The following ELAVL2 variants were observed in gnomAD, a reference collection of about 807,000 sequenced individuals.
The protein encoded by ELAVL2 is ELAV like RNA binding protein 2, also known as ELAV-like protein 2.
ELAVL2 carries 4 observed loss-of-function variants against 34.6 expected under a neutral mutation model. The observed-to-expected ratio is 0.12, with a 90% CI of 0.06 to 0.26. ELAVL2 has a LOEUF of 0.26. Ranked by LOEUF, ELAVL2 falls within the 10% of genes least tolerant of loss-of-function variation. The pLI, the probability that ELAVL2 is intolerant of heterozygous loss-of-function variation, is 1.00. For missense variants in ELAVL2, 432 were observed against 442.8 expected (o/e 0.98, Z 0.22); for synonymous variants, 193 against 154.8 (o/e 1.25, Z -1.83).
chr9:23,826,552 G>A (rs1293166557), upstream of ELAVL2, among the ~76,000 whole-genome samples: 1 of 152,220 alleles, frequency 6.6e-6, no homozygotes, highest in Non-Finnish European at 1.5e-5. Context: ...CTTAACACTG[G>A]CGGCGAAGGG....
the ELAVL2 span, among the ~76,000 whole-genome samples, chr9:23,831,943 C>T: frequency 2.0e-5 from 3 of 152,148 alleles, no homozygotes; most frequent in Admixed American, 6.5e-5. Context: ...ATCATAGCTA[C>T]TATGAATAAA....
At chr9:23,735,175 T>G (rs1345286731) in intron 2 of ELAVL2, 2 of 137,334 alleles carry the variant, frequency 1.5e-5, no homozygotes, top group Non-Finnish European at 3.2e-5. Context: ...AAAATTTGCC[T>G]GGTAACTGAA....
intron 2 of ELAVL2, among the ~76,000 whole-genome samples, chr9:23,738,534 C>T (rs2048414668): frequency 6.6e-6 from 1 of 152,068 alleles, no homozygotes; most frequent in Non-Finnish European, 1.5e-5. Flanking sequence ...AAGGACATTA[C>T]CAGGGATTAT....
chr9:23,750,404 C>G (rs1289853898), intron 2 of ELAVL2, among the ~76,000 whole-genome samples: 1 of 151,944 alleles, frequency 6.6e-6, no homozygotes. Flanking sequence ...AAAGGGCTTA[C>G]CCCCATAAAA....
chr9:23,835,529 T>C, the ELAVL2 span, among the ~76,000 whole-genome samples: 8 of 152,142 alleles, frequency 5.3e-5, no homozygotes, highest in Non-Finnish European at 1.2e-4. Flanking sequence ...GAAAAATCTA[T>C]CAAAATAAAT....
chr9:23,836,614 C>T, the ELAVL2 span, among the ~76,000 whole-genome samples: 35 of 152,056 alleles, frequency 2.3e-4, 1 homozygote, highest in East Asian at 5.4e-3. Flanking sequence ...TCAGTCCTCG[C>T]TTTTAAAAGA....
rs1311024648 is a variant in ELAVL2 at position 23,762,081 on chromosome 9, G to C, written c.154C>G (p.Gln52Glu). 6.2e-7 allele frequency: 1 copy of C among 1,613,420 alleles called. No homozygotes were observed. Among genetic ancestry groups the C allele is most frequent in the Admixed American group, 1.7e-5 (1 of 59,954 alleles). Residue 52 changes from glutamine to glutamate, a missense_variant, in exon 2 of 7, where the codon CAG (glutamine) becomes GAG (glutamate). Transcript: ENST00000397312. ...IVNYLPQNMTQEELKSLFGSI... is the reference protein window; with the variant it reads ...IVNYLPQNMTEEELKSLFGSI... ...CCAAAGAGACTCTTTAGTTCCTCCT[G>C]TGTCATGTTCTGAGGAAGGTAGTTG... is the stretch of plus-strand genomic sequence containing the variant.
intron 2 of ELAVL2, among the ~76,000 whole-genome samples, chr9:23,745,819 T>C (rs2050348144): frequency 6.6e-6 from 1 of 152,166 alleles, no homozygotes; most frequent in South Asian, 2.1e-4. Context: ...TGGCTCTCCT[T>C]AGCTACTAAA....
upstream of ELAVL2, among the ~76,000 whole-genome samples, chr9:23,829,070 A>C (rs2065418825): frequency 6.6e-6 from 1 of 152,236 alleles, no homozygotes; most frequent in South Asian, 2.1e-4. Context: ...CTGAATTTGC[A>C]TTAGAAAGTA....
chr9:23,757,547 T>C (rs1342442437), intron 2 of ELAVL2, among the ~76,000 whole-genome samples: 2 of 151,672 alleles, frequency 1.3e-5, no homozygotes, highest in South Asian at 2.1e-4. Context: ...TACTCATTCC[T>C]TGCATCATAA....
chr9:23,850,417 G>GGCT, the ELAVL2 span, among the ~76,000 whole-genome samples: 2 of 152,214 alleles, frequency 1.3e-5, no homozygotes, highest in Non-Finnish European at 2.9e-5. Flanking sequence ...GTCTGGGGTT[G>GGCT]GCTGCTGCTG....
chr9:23,740,534 CAG>C (rs2048917392), intron 2 of ELAVL2, among the ~76,000 whole-genome samples: 1 of 152,082 alleles, frequency 6.6e-6, no homozygotes, highest in Non-Finnish European at 1.5e-5. Context: ...ACTTTCCAAT[CAG>C]AATATTTATA....
chr9:23,750,278 C>A (rs2051599287), intron 2 of ELAVL2, among the ~76,000 whole-genome samples: 1 of 151,940 alleles, frequency 6.6e-6, no homozygotes, highest in African/African-American at 2.4e-5. Flanking sequence ...TGTTATCACG[C>A]CTTTTTGCAA....
intron 5 of ELAVL2, among the ~76,000 whole-genome samples, chr9:23,698,413 C>T (rs1400878375): frequency 6.6e-6 from 1 of 152,184 alleles, no homozygotes; most frequent in Non-Finnish European, 1.5e-5. Context: ...CACCTTTAAA[C>T]TTAACCCTTA....
the ELAVL2 span, among the ~76,000 whole-genome samples, chr9:23,834,166 C>T: frequency 2.6e-5 from 4 of 151,928 alleles, no homozygotes; most frequent in South Asian, 8.3e-4. Flanking sequence ...GTTTAAATAA[C>T]TCAGTTAATA....
chr9:23,780,443 CA>C (rs2058906978), intron 1 of ELAVL2, among the ~76,000 whole-genome samples: 1 of 152,052 alleles, frequency 6.6e-6, no homozygotes, highest in Non-Finnish European at 1.5e-5. Context: ...AGCATATTTT[CA>C]ATTTGTTGAA....
intron 1 of ELAVL2, among the ~76,000 whole-genome samples, chr9:23,772,247 T>G (rs376474763): frequency 6.6e-5 from 10 of 152,220 alleles, no homozygotes; most frequent in African/African-American, 2.4e-4. Context: ...AGTAGTTGAG[T>G]GTTTTCATTA....
intron 4 of ELAVL2, 67 bp downstream of exon 4, chr9:23,704,851 G>A: frequency 6.3e-7 from 1 of 1,584,680 alleles, no homozygotes; most frequent in East Asian, 2.2e-5. Context: ...TACATGGAAA[G>A]ACAGAATATT....
chr9:23,713,639 C>G (rs72693539), intron 3 of ELAVL2, among the ~76,000 whole-genome samples: 2,854 of 152,236 alleles, frequency 0.019, 42 homozygotes, highest in Admixed American at 0.027. Context: ...CAGAAATGAG[C>G]CTGCATTTAT....
Sources: gnomAD v4.1 joint callset for allele counts (sites outside exome capture counted in the v4.1 genomes callset) on GRCh38, gnomAD v4.1.1 for gene constraint, MANE v1.5 for transcripts, NCBI Gene and HGNC (gene_info 2026-07-23, HGNC 2026-07-21) for gene names.